Variants in HCN1 observed in about 807,000 individuals in gnomAD.
The protein encoded by HCN1 is potassium/sodium hyperpolarization-activated cyclic nucleotide-gated channel 1.
Under a neutral mutation model 78.9 loss-of-function variants are expected in HCN1, and 13 were observed. The observed-to-expected ratio is 0.16, with a 90% CI of 0.11 to 0.26. The LOEUF (loss-of-function observed/expected upper bound fraction) is 0.26. Among genes scored for constraint, HCN1 ranks in the 10% least tolerant of loss-of-function variants. The pLI is 1.00. For synonymous variants in HCN1, 552 were observed against 455.5 expected (o/e 1.21, Z -2.70); for missense variants, 810 against 1,154.3 (o/e 0.70, Z 4.32).
intron 5 of HCN1, among the ~76,000 whole-genome samples, chr5:45,332,527 T>A (rs1357620951): frequency 6.6e-6 from 1 of 151,246 alleles, no homozygotes; most frequent in Admixed American, 6.6e-5. Context: ...ACTCTCTATC[T>A]CCATGAGTTC....
intron 2 of HCN1, among the ~76,000 whole-genome samples, chr5:45,614,223 A>G (rs1485425724): frequency 6.6e-6 from 1 of 152,130 alleles, no homozygotes; most frequent in Non-Finnish European, 1.5e-5. Context: ...TCAGAAGTCT[A>G]TATTTTCATT....
At chr5:45,451,611 T>A (rs1740919812) in intron 3 of HCN1, among the ~76,000 whole-genome samples, 1 of 152,042 alleles carries the variant, frequency 6.6e-6, no homozygotes, top group African/African-American at 2.4e-5. Context: ...ATGCCCACCA[T>A]GGAAATGATA....
Position 45,547,932 on chromosome 5 carries a change from G to A in HCN1, c.850-85925C>T, listed in dbSNP as rs187101262. Among the ~76,000 whole-genome samples the A allele has an allele frequency of 2.2e-3, 328 of 151,810 alleles. 2 individuals are homozygous for A. The highest frequency in any genetic ancestry group is 6.9e-3 in the African/African-American group (286 of 41,474). On this transcript the variant is annotated intron_variant, in intron 2 of 7. Transcript: ENST00000303230. ...TAAATACACTATTAATCACCTATTC[G>A]TATCTGTCTTGCCACAAGATGATTT... is the stretch of plus-strand genomic sequence containing the variant.
intron 2 of HCN1, chr5:45,558,568 T>A (rs1561200624): frequency 6.6e-6 from 1 of 152,128 alleles, no homozygotes; most frequent in Non-Finnish European, 1.5e-5. Flanking sequence ...GAGAAATCAA[T>A]GTCTGGCTTT....
chr5:45,639,356 GTCA>G (rs1434678563), intron 2 of HCN1, among the ~76,000 whole-genome samples: 1 of 152,070 alleles, frequency 6.6e-6, no homozygotes, highest in Non-Finnish European at 1.5e-5. Context: ...TCAGAAAGAT[GTCA>G]TCATATATTT....
At chr5:45,691,061 A>G (rs1402287720) in intron 1 of HCN1, among the ~76,000 whole-genome samples, 5 of 152,126 alleles carry the variant, frequency 3.3e-5, no homozygotes, top group African/African-American at 4.8e-5. Context: ...AATTACAAAT[A>G]CTATTTATCT....
intron 2 of HCN1, among the ~76,000 whole-genome samples, chr5:45,532,663 AC>A (rs1478063489): frequency 6.6e-6 from 1 of 152,210 alleles, no homozygotes; most frequent in Non-Finnish European, 1.5e-5. Context: ...AACATATGGT[AC>A]TAAGGCACTT....
At chr5:45,674,089 TA>T (rs995777437) in intron 1 of HCN1, among the ~76,000 whole-genome samples, 1 of 151,408 alleles carries the variant, frequency 6.6e-6, no homozygotes, top group African/African-American at 2.4e-5. Context: ...AGTTATGTTT[TA>T]AAAGTTAATA....
intron 6 of HCN1, among the ~76,000 whole-genome samples, chr5:45,296,975 C>T: frequency 6.6e-6 from 1 of 151,948 alleles, no homozygotes; most frequent in East Asian, 1.9e-4. Context: ...GTCAGGGAAA[C>T]CCTAACCCAG....
chr5:45,292,778 G>A (rs1184651255), intron 6 of HCN1, among the ~76,000 whole-genome samples: 1 of 151,856 alleles, frequency 6.6e-6, no homozygotes, highest in African/African-American at 2.4e-5. Flanking sequence ...TAAGAGCAGT[G>A]ACAAAGAAAA....
At chr5:45,358,335 T>C (rs1005958725) in intron 4 of HCN1, among the ~76,000 whole-genome samples, 1 of 152,110 alleles carries the variant, frequency 6.6e-6, no homozygotes, top group African/African-American at 2.4e-5. Flanking sequence ...TATATTGTTT[T>C]TATATCCATG....
chr5:45,446,761 C>G (rs1354657667), intron 3 of HCN1, among the ~76,000 whole-genome samples: 1 of 152,012 alleles, frequency 6.6e-6, no homozygotes, highest in Admixed American at 6.5e-5. Flanking sequence ...GAATTTTCAA[C>G]CCAGAATTTC....
At chr5:45,497,360 G>C (rs1742061303) in intron 2 of HCN1, among the ~76,000 whole-genome samples, 1 of 152,138 alleles carries the variant, frequency 6.6e-6, no homozygotes, top group Admixed American at 6.5e-5. Flanking sequence ...GGTCACTCAG[G>C]ACTTGCTTTA....
At chr5:45,620,691 A>G (rs946501552) in intron 2 of HCN1, among the ~76,000 whole-genome samples, 2 of 152,024 alleles carry the variant, frequency 1.3e-5, no homozygotes, top group South Asian at 4.1e-4. Context: ...CAAAATTCCA[A>G]TAGCCTCCCC....
At chr5:45,637,640 T>C (rs2049567919) in intron 2 of HCN1, among the ~76,000 whole-genome samples, 1 of 150,400 alleles carries the variant, frequency 6.6e-6, no homozygotes, top group East Asian at 2.0e-4. Flanking sequence ...AAAGAAGCAA[T>C]GCGTAAATAA....
intron 5 of HCN1, among the ~76,000 whole-genome samples, chr5:45,350,127 A>T (rs1235803983): frequency 6.6e-6 from 1 of 152,234 alleles, no homozygotes; most frequent in Non-Finnish European, 1.5e-5. Flanking sequence ...AAGCCTCAAT[A>T]AAATACTGGC....
At chr5:45,552,224 C>G (rs1274667973) in intron 2 of HCN1, among the ~76,000 whole-genome samples, 3 of 151,914 alleles carry the variant, frequency 2.0e-5, no homozygotes, top group African/African-American at 7.2e-5. Context: ...TTAAATCTGA[C>G]TTCTCCATTA....
At chr5:45,464,672 T>A (rs1413865519) in intron 2 of HCN1, among the ~76,000 whole-genome samples, 1 of 151,268 alleles carries the variant, frequency 6.6e-6, no homozygotes, top group African/African-American at 2.5e-5. Context: ...AAGTATATAA[T>A]ATTACTTGTG....
At chr5:45,300,457 G>A (rs1270552201) in intron 6 of HCN1, among the ~76,000 whole-genome samples, 1 of 151,796 alleles carries the variant, frequency 6.6e-6, no homozygotes, top group Non-Finnish European at 1.5e-5. Flanking sequence ...CATTTATTAT[G>A]ATGATCTATT....
Sources: gnomAD v4.1 joint callset for allele counts (sites outside exome capture counted in the v4.1 genomes callset) on GRCh38, gnomAD v4.1.1 for gene constraint, MANE v1.5 for transcripts, NCBI Gene and HGNC (gene_info 2026-07-23, HGNC 2026-07-21) for gene names.